Variants in SETX observed in about 807,000 individuals in gnomAD.
SETX encodes the protein helicase senataxin.
A neutral mutation model predicts 227.2 loss-of-function variants in SETX; 90 were observed. The observed-to-expected ratio is 0.40, with a 90% CI of 0.33 to 0.47. The LOEUF is 0.47. Among genes scored for constraint, SETX ranks in the 20% least tolerant of loss-of-function variants. The pLI, the probability that SETX is intolerant of heterozygous loss-of-function variation, is 0.91. For synonymous variants in SETX, 1,210 were observed against 1,113.2 expected (o/e 1.09, Z -1.73); for missense variants, 3,052 against 3,181.5 (o/e 0.96, Z 0.98).
Position 132,264,325 on chromosome 9 carries a change from T to C in SETX, c.7948A>G (p.Thr2650Ala). 1 of 1,614,140 alleles carries C rather than the reference T, an allele frequency of 6.2e-7. No homozygotes were observed. Among genetic ancestry groups the C allele is most frequent in the Non-Finnish European group, 8.5e-7 (1 of 1,180,004 alleles). ...EGEQEKCGSETHHTRRNSRWD... is the reference protein window; with the variant it reads ...EGEQEKCGSEAHHTRRNSRWD... ...CTAGAGTTCCTCCTGGTGTGATGGGTCTCGGAACCACACTTCTCCTGCTCC... is the reference window on the plus strand; with the variant it reads ...CTAGAGTTCCTCCTGGTGTGATGGGCCTCGGAACCACACTTCTCCTGCTCC... Residue 2650 changes from threonine (T) to alanine (A), a missense_variant, in exon 26 of 26, where the codon ACC (threonine) becomes GCC (alanine). By Grantham distance (58) the Thr-to-Ala change is moderately conservative. Coordinates refer to ENST00000224140, the MANE Select transcript of SETX (RefSeq NM_015046.7).
intron 15 of SETX, among the ~76,000 whole-genome samples, chr9:132,294,445 C>T (rs1221685926): frequency 2.6e-5 from 4 of 152,228 alleles, no homozygotes; most frequent in Admixed American, 1.3e-4. Context: ...TGCAGCTATT[C>T]ACAAAATCAA....
Position 132,282,653 on chromosome 9 carries a change from C to T in SETX, c.6546+611G>A, listed in dbSNP as rs945905895. ...TTAGGAGCGTCCATGAGTGTGTTTC[C>T]CCATATCTTTCTTCCTTGTTCCTCA... On this transcript the variant is annotated intron_variant, in intron 19 of 25. Coordinates refer to ENST00000224140, the MANE Select transcript of SETX (RefSeq NM_015046.7). 3.7e-5 allele frequency: 6 copies of T among 160,892 alleles called. No individual in the cohort carries two copies. In the East Asian group the frequency reaches 1.0e-3, roughly 28 times the overall value. 10.0% of individuals were successfully genotyped at this position (160,892 alleles called of 1,614,324 possible).
chr9:132,302,850 G>A (rs1255028832), intron 11 of SETX, among the ~76,000 whole-genome samples: 5 of 152,140 alleles, frequency 3.3e-5, no homozygotes, highest in Non-Finnish European at 7.4e-5. Flanking sequence ...ATTGGTGGAA[G>A]GCAGCTATAC....
Position 132,263,739 on chromosome 9 carries a change from C to A in SETX, c.*500G>T. ...CCACCAGCACTAACTCAGCTTATTC[C>A]AAGCTAGGCTGTTAAATAATTATCT... On this transcript the variant is annotated 3_prime_UTR_variant, in exon 26 of 26. Coordinates refer to ENST00000224140, the MANE Select transcript of SETX (RefSeq NM_015046.7). 6.2e-6 allele frequency: 1 copy of A among 160,580 alleles called. No homozygotes were observed. The highest frequency in any genetic ancestry group is 1.4e-5 in the Non-Finnish European group (1 of 72,938). 9.9% of individuals were successfully genotyped at this position (160,580 alleles called of 1,614,324 possible).
intron 13 of SETX, among the ~76,000 whole-genome samples, chr9:132,297,607 A>G (rs552206728): frequency 6.6e-6 from 1 of 152,364 alleles, no homozygotes; most frequent in Non-Finnish European, 1.5e-5. Flanking sequence ...GAACAGACTG[A>G]GATAATGCAC....
chr9:132,311,195 G>A (rs1845633090), intron 11 of SETX, among the ~76,000 whole-genome samples: 1 of 152,146 alleles, frequency 6.6e-6, no homozygotes, highest in African/African-American at 2.4e-5. Flanking sequence ...TCGATCTCTT[G>A]ACCTGGTGAT....
At chr9:132,351,818 G>GT (rs1482189084) in intron 2 of SETX, among the ~76,000 whole-genome samples, 1 of 152,152 alleles carries the variant, frequency 6.6e-6, no homozygotes, top group African/African-American at 2.4e-5. Flanking sequence ...TCATCAGACT[G>GT]TAACGGCTTG....
rs1564477171 is a variant in SETX, at chr9:132,277,155, G to T, written c.6843-3C>A. 1 of 1,578,050 alleles carries T rather than the reference G, an allele frequency of 6.3e-7. No homozygotes were observed. The highest frequency in any genetic ancestry group is 8.6e-7 in the Non-Finnish European group (1 of 1,160,728). ...AACATCGAATGGCTTCTGTCTGTCT[G>T]TAAAAAAAAAAAAGCAGTCAACATT... On this transcript the variant is annotated splice_region_variant and splice_polypyrimidine_tract_variant and intron_variant, in intron 21 of 25. Transcript: ENST00000224140.
chr9:132,346,954 C>G (rs1405142480), intron 3 of SETX, among the ~76,000 whole-genome samples: 1 of 151,768 alleles, frequency 6.6e-6, no homozygotes, highest in African/African-American at 2.4e-5. Context: ...AACCCTGCCT[C>G]TAAGAGAAAA....
chr9:132,266,951 G>A (rs986757043), intron 25 of SETX, among the ~76,000 whole-genome samples: 1 of 152,184 alleles, frequency 6.6e-6, no homozygotes, highest in East Asian at 1.9e-4. Flanking sequence ...AATTCTGAAA[G>A]TGAAATATTT....
Position 132,328,438 on chromosome 9 carries a change from T to C in SETX, c.3160A>G (p.Asn1054Asp). The C allele has an allele frequency of 6.2e-7, 1 of 1,613,924 alleles. No homozygotes were observed. Residue 1054 changes from asparagine (N) to aspartate (D), a missense_variant, in exon 10 of 26, where the codon AAT becomes GAT. Physicochemically the swap from Asn to Asp is conservative, Grantham distance 23 (BLOSUM62 1). Around this residue, in one of 10 missense-constraint regions of SETX, gnomAD observed 1,483 missense variants for 1,312.0 expected, o/e 1.13. Transcript: ENST00000224140. ...ACTGGATTCTTTTCCTCCTTACTAT[T>C]AACTGTTGAAACGTGCTGCTCTGGA... ...EHPEQHVSTVNSKEEKNPVKE... is the reference protein window; with the variant it reads ...EHPEQHVSTVDSKEEKNPVKE...
chr9:132,281,549 G>C lies in SETX; in HGVS notation c.6572C>G (p.Thr2191Ser). Reference sequence around the variant, plus strand: ...GCAGCGATGGATGAGTGGAGTAAGAGTCTCAATTTCACAAGACTGTCCAGC... The same window carrying C: ...GCAGCGATGGATGAGTGGAGTAAGACTCTCAATTTCACAAGACTGTCCAGC... ...DEAGQSCEIE[T>S]LTPLIHRCNK... The change falls in exon 20 of 26, where the codon ACT becomes AGT. Residue 2191 changes from threonine (T) to serine (S), a missense_variant. Physicochemically the swap from Thr to Ser is moderately conservative, Grantham distance 58. This residue lies in a region of SETX where 412 missense variants were observed against 589.0 expected (regional missense o/e 0.70). Coordinates refer to ENST00000224140, the MANE Select transcript of SETX (RefSeq NM_015046.7). 6.2e-7 allele frequency: 1 copy of C among 1,613,862 alleles called. No individual in the cohort carries two copies. The highest frequency in any genetic ancestry group is 8.5e-7 in the Non-Finnish European group (1 of 1,179,760).
At chr9:132,341,641 C>T (rs577016394) in intron 5 of SETX, among the ~76,000 whole-genome samples, 65 of 152,092 alleles carry the variant, frequency 4.3e-4, no homozygotes, top group Non-Finnish European at 8.2e-4. Context: ...AGACCTGCTT[C>T]CTCCATATGT....
At chr9:132,320,084 T>TAAAAAAA (rs537830278) in intron 10 of SETX, among the ~76,000 whole-genome samples, 2 of 150,784 alleles carry the variant, frequency 1.3e-5, no homozygotes, top group Admixed American at 1.3e-4. Flanking sequence ...ATACAAGGAT[T>TAAAAAAA]AAAAAAAAAA....
At chr9:132,286,378 A>G in intron 18 of SETX, 45 bp downstream of exon 18, 1 of 1,391,082 alleles carries the variant, frequency 7.2e-7, no homozygotes, top group Non-Finnish European at 1.0e-6. Flanking sequence ...AATTTTAAAA[A>G]GAAAAAAAAA....
chr9:132,307,988 T>G (rs1378044737), intron 11 of SETX, among the ~76,000 whole-genome samples: 1 of 152,086 alleles, frequency 6.6e-6, no homozygotes, highest in Non-Finnish European at 1.5e-5. Context: ...ACTAGTGAAT[T>G]AAACTCGTTA....
At position 132,331,363 on chromosome 9, in the gene SETX, A is replaced by T; in HGVS notation, c.924T>A (p.Leu308=). The T allele has an allele frequency of 6.2e-7, 1 of 1,614,092 alleles. No homozygotes were observed. Among genetic ancestry groups the T allele is most frequent in the Non-Finnish European group, 8.5e-7 (1 of 1,179,988 alleles). The change falls in exon 8 of 26, where the codon CTT becomes CTA. Residue 308 remains leucine (L), a synonymous_variant. Coordinates refer to ENST00000224140, the MANE Select transcript of SETX (RefSeq NM_015046.7). The part of the protein sequence containing the change: ...DRLGSKVWGQ[L]MDPIVAFQTI... ...TTTGAAATGCCACAATAGGATCCAT[A>T]AGTTGACCCCAGACCTTAGATCCAA...
chr9:132,274,299 G>A (rs1387633369), intron 23 of SETX, among the ~76,000 whole-genome samples: 1 of 151,926 alleles, frequency 6.6e-6, no homozygotes, highest in African/African-American at 2.4e-5. Flanking sequence ...GAATCTGAGT[G>A]TTCTATTTAT....
At chr9:132,302,707 C>T (rs572838328) in intron 11 of SETX, among the ~76,000 whole-genome samples, 1 of 135,928 alleles carries the variant, frequency 7.4e-6, no homozygotes, top group Admixed American at 7.4e-5. Context: ...AACCAGCAGG[C>T]ATTTTTATAA....
Sources: gnomAD v4.1 joint callset for allele counts (sites outside exome capture counted in the v4.1 genomes callset) on GRCh38, gnomAD v4.1.1 for gene constraint, gnomAD v4.1.1 regional missense constraint, MANE v1.5 for transcripts, NCBI Gene and HGNC (gene_info 2026-07-23, HGNC 2026-07-21) for gene names.